Variants in SCN8A observed in about 807,000 individuals in gnomAD.
SCN8A encodes the protein sodium voltage-gated channel alpha subunit 8.
Under a neutral mutation model 184.1 loss-of-function variants are expected in SCN8A, and 30 were observed. That is an observed-to-expected ratio of 0.16 (90% confidence interval 0.12 to 0.22). The LOEUF (loss-of-function observed/expected upper bound fraction) is 0.22. SCN8A is among the 10% of genes least tolerant of loss of function. The pLI is 1.00. For missense variants in SCN8A, 1,057 were observed against 2,498.9 expected (o/e 0.42, Z 12.30); for synonymous variants, 852 against 907.0 (o/e 0.94, Z 1.09).
intron 5 of SCN8A, 54 bp from the exon 6 acceptor site, chr12:51,688,951 G>A (rs990312478): frequency 6.3e-7 from 1 of 1,580,124 alleles, no homozygotes. Flanking sequence ...TTTGGTGTTT[G>A]TGTTTGTGTC....
At chr12:51,720,931 G>A (rs1942042967) in intron 11 of SCN8A, among the ~76,000 whole-genome samples, 1 of 151,568 alleles carries the variant, frequency 6.6e-6, no homozygotes, top group Non-Finnish European at 1.5e-5. Flanking sequence ...CCAGGGCGTG[G>A]TGGTGGATGC....
At chr12:51,628,749 C>T (rs1940133351) in intron 1 of SCN8A, among the ~76,000 whole-genome samples, 1 of 152,056 alleles carries the variant, frequency 6.6e-6, no homozygotes, top group Non-Finnish European at 1.5e-5. Flanking sequence ...CTTTCTTATT[C>T]AAGAATTATA....
At chr12:51,699,337 T>C (rs571134441) in intron 6 of SCN8A, among the ~76,000 whole-genome samples, 1 of 152,364 alleles carries the variant, frequency 6.6e-6, no homozygotes, top group African/African-American at 2.4e-5. Flanking sequence ...GAGCCACATG[T>C]TGGCAGAAGA....
chr12:51,635,808 G>A (rs1940303450), intron 1 of SCN8A, among the ~76,000 whole-genome samples: 1 of 152,008 alleles, frequency 6.6e-6, no homozygotes, highest in Non-Finnish European at 1.5e-5. Context: ...TTTAAATCTG[G>A]CCTTAAATGA....
intron 12 of SCN8A, among the ~76,000 whole-genome samples, chr12:51,734,340 A>T (rs1274483734): frequency 1.3e-5 from 2 of 152,232 alleles, no homozygotes; most frequent in Non-Finnish European, 2.9e-5. Context: ...ACAGAGATTT[A>T]CCCACATATT....
At chr12:51,695,190 T>G (rs1412693408) in intron 6 of SCN8A, among the ~76,000 whole-genome samples, 2 of 152,222 alleles carry the variant, frequency 1.3e-5, no homozygotes, top group Non-Finnish European at 2.9e-5. Context: ...GTGATTATCC[T>G]TGCTTAATTA....
At chr12:51,765,636 A>G in intron 15 of SCN8A, 35 bp from the exon 16 acceptor site, 1 of 1,242,352 alleles carries the variant, frequency 8.0e-7, no homozygotes, top group Non-Finnish European at 1.1e-6. Context: ...ATTGAGTATC[A>G]TTTATTTTTT....
intron 1 of SCN8A, among the ~76,000 whole-genome samples, chr12:51,655,972 T>C (rs939990435): frequency 6.6e-6 from 1 of 152,212 alleles, no homozygotes; most frequent in African/African-American, 2.4e-5. Flanking sequence ...CTGTCACTAA[T>C]TGGCAGTTAG....
chr12:51,626,496 A>G lies in SCN8A; in HGVS notation c.-55+35137A>G, dbSNP rs1309924826. Reference sequence around the variant, plus strand: ...CTTTGAAATGGGTACAGAAATTTATAGATGAAGACTTTGTCCTCAAGGAGC... The same window carrying G: ...CTTTGAAATGGGTACAGAAATTTATGGATGAAGACTTTGTCCTCAAGGAGC... On this transcript the variant is annotated intron_variant, in intron 1 of 26. Coordinates refer to ENST00000627620, the MANE Select transcript of SCN8A (RefSeq NM_001330260.2). Among the ~76,000 whole-genome samples the G allele has an allele frequency of 2.0e-5, 3 of 152,342 alleles. No individual in the cohort carries two copies. The South Asian group carries it at 6.2e-4, about 32-fold the overall frequency.
At chr12:51,680,211 A>T (rs1018193822) in intron 2 of SCN8A, among the ~76,000 whole-genome samples, 4 of 152,232 alleles carry the variant, frequency 2.6e-5, no homozygotes, top group African/African-American at 9.6e-5. Flanking sequence ...ATGAAGATAT[A>T]AGATGTAAAT....
At chr12:51,592,923 G>A (rs1156829514) in intron 1 of SCN8A, among the ~76,000 whole-genome samples, 1 of 152,030 alleles carries the variant, frequency 6.6e-6, no homozygotes, top group African/African-American at 2.4e-5. Flanking sequence ...AGAAGATGTG[G>A]AGGGGGGGAT....
intron 1 of SCN8A, among the ~76,000 whole-genome samples, chr12:51,625,876 C>G (rs1025339543): frequency 6.6e-6 from 1 of 152,108 alleles, no homozygotes; most frequent in African/African-American, 2.4e-5. Flanking sequence ...TTCTTTGTGT[C>G]TGGTGGCAAT....
chr12:51,788,884 C>A, intron 23 of SCN8A, 136 bp downstream of exon 23: 1 of 641,778 alleles, frequency 1.6e-6, no homozygotes. Context: ...ACATTTATTG[C>A]TTGTGTTATT....
chr12:51,599,027 T>A (rs558511543), intron 1 of SCN8A, among the ~76,000 whole-genome samples: 1 of 152,338 alleles, frequency 6.6e-6, no homozygotes, highest in Non-Finnish European at 1.5e-5. Flanking sequence ...CCTACATTGC[T>A]TTTAGGGTTT....
chr12:51,713,525 G>C, intron 11 of SCN8A: 1 of 754,350 alleles, frequency 1.3e-6, no homozygotes, highest in Non-Finnish European at 2.4e-6. Flanking sequence ...GGTTCCTTTG[G>C]GTCATGGCCC....
At chr12:51,692,028 T>G (rs1941518190) in intron 6 of SCN8A, among the ~76,000 whole-genome samples, 1 of 152,218 alleles carries the variant, frequency 6.6e-6, no homozygotes, top group African/African-American at 2.4e-5. Flanking sequence ...GTGGTAGAGC[T>G]GGCCCATGAT....
chr12:51,746,105 C>T (rs1238391497), intron 13 of SCN8A, 70 bp downstream of exon 13: 6 of 1,406,460 alleles, frequency 4.3e-6, no homozygotes, highest in African/African-American at 1.4e-5. Flanking sequence ...AATATAATCC[C>T]TGTCCCTTGG....
At chr12:51,675,122 GA>G (rs1220307322) in intron 2 of SCN8A, among the ~76,000 whole-genome samples, 2 of 152,224 alleles carry the variant, frequency 1.3e-5, no homozygotes, top group Non-Finnish European at 2.9e-5. Flanking sequence ...GGTTAAAGTA[GA>G]AGGTGATCAA....
At chr12:51,666,826 T>TA (rs1275558506) in intron 2 of SCN8A, among the ~76,000 whole-genome samples, 1 of 152,192 alleles carries the variant, frequency 6.6e-6, no homozygotes, top group East Asian at 1.9e-4. Flanking sequence ...GTTTTCGAGA[T>TA]ACTGTTATTT....
Sources: gnomAD v4.1 joint callset for allele counts (sites outside exome capture counted in the v4.1 genomes callset) on GRCh38, gnomAD v4.1.1 for gene constraint, MANE v1.5 for transcripts, NCBI Gene and HGNC (gene_info 2026-07-23, HGNC 2026-07-21) for gene names.